KSR2: variants seen among roughly 807,000 people sequenced by gnomAD.
KSR2 encodes kinase suppressor of ras 2.
A neutral mutation model predicts 107.8 loss-of-function variants in KSR2; 25 were observed. That is an observed-to-expected ratio of 0.23 (90% CI 0.17 to 0.32). The LOEUF is 0.32. KSR2 is among the 10% of genes least tolerant of loss of function. KSR2 has a pLI of 1.00. For missense variants in KSR2, 887 were observed against 1,268.9 expected, an observed-to-expected ratio of 0.70 and a Z score of 4.57; for synonymous variants, 480 against 507.0, an observed-to-expected ratio of 0.95 and a Z score of 0.71.
At chr12:117,620,048 CT>C (rs920602821) in intron 5 of KSR2, among the ~76,000 whole-genome samples, 7 of 152,064 alleles carry the variant, frequency 4.6e-5, no homozygotes, top group African/African-American at 1.7e-4. Context: ...AGTGTGTGGT[CT>C]TTTACATCTG....
At chr12:117,899,398 C>T (rs1228694678) in intron 1 of KSR2, among the ~76,000 whole-genome samples, 6 of 151,952 alleles carry the variant, frequency 3.9e-5, no homozygotes, top group South Asian at 2.1e-4. Flanking sequence ...GAGGCTGAGG[C>T]GGGAGGATCA....
chr12:117,712,489 C>T (rs1886822891), intron 4 of KSR2, among the ~76,000 whole-genome samples: 1 of 152,184 alleles, frequency 6.6e-6, no homozygotes, highest in African/African-American at 2.4e-5. Flanking sequence ...CCCAGATGCC[C>T]ACCCAGCAAC....
At chr12:117,631,803 A>G (rs1356022225) in intron 5 of KSR2, among the ~76,000 whole-genome samples, 1 of 152,224 alleles carries the variant, frequency 6.6e-6, no homozygotes, top group Non-Finnish European at 1.5e-5. Flanking sequence ...GTACTTTTAA[A>G]CCAAAAGCAG....
intron 4 of KSR2, among the ~76,000 whole-genome samples, chr12:117,728,067 C>T (rs116258213): frequency 6.6e-6 from 1 of 152,098 alleles, no homozygotes; most frequent in African/African-American, 2.4e-5. Context: ...GCAAGATGAT[C>T]GGAGAAGGAC....
At chr12:117,791,596 G>C (rs1320587467) in intron 3 of KSR2, among the ~76,000 whole-genome samples, 1 of 152,176 alleles carries the variant, frequency 6.6e-6, no homozygotes, top group Non-Finnish European at 1.5e-5. Flanking sequence ...TGACACTGAG[G>C]GGTTTTCAGC....
intron 1 of KSR2, among the ~76,000 whole-genome samples, chr12:117,878,332 C>T (rs1357560356): frequency 2.0e-5 from 3 of 152,182 alleles, no homozygotes; most frequent in Admixed American, 1.3e-4. Flanking sequence ...CCACATAACA[C>T]ACACACTACC....
At chr12:117,855,315 C>G (rs1893062144) in intron 3 of KSR2, 113 bp downstream of exon 3, 2 of 1,421,438 alleles carry the variant, frequency 1.4e-6, no homozygotes, top group African/African-American at 2.8e-5. Flanking sequence ...ATTTGCCCCC[C>G]AGGGTTGACT....
intron 5 of KSR2, among the ~76,000 whole-genome samples, chr12:117,618,982 G>A (rs951023439): frequency 6.6e-6 from 1 of 152,062 alleles, no homozygotes; most frequent in Admixed American, 6.5e-5. Context: ...CTTGGTAGGA[G>A]GATTGGTCTA....
intron 1 of KSR2, among the ~76,000 whole-genome samples, chr12:117,866,624 G>A (rs1893479060): frequency 6.6e-6 from 1 of 152,162 alleles, no homozygotes; most frequent in Admixed American, 6.5e-5. Flanking sequence ...GAGGTCGGGA[G>A]TTTGAGACCA....
intron 5 of KSR2, among the ~76,000 whole-genome samples, chr12:117,606,497 A>C (rs142060433): frequency 0.37 from 2,586 of 6,972 alleles, 316 homozygotes; most frequent in Middle Eastern, 0.4. Context: ...TCCTTCCTCC[A>C]TCCCCTCCTT....
chr12:117,510,749 G>A (rs1007541857), intron 14 of KSR2, among the ~76,000 whole-genome samples: 12 of 152,052 alleles, frequency 7.9e-5, no homozygotes, highest in African/African-American at 2.9e-4. Context: ...ATGGTGGCAT[G>A]TGCCTGTGGT....
rs182419219 is a variant in KSR2, at chr12:117,597,316, G to A, written c.1172-14957C>T. Among the ~76,000 whole-genome samples the A allele has an allele frequency of 9.7e-4, 148 of 152,262 alleles. 2 individuals are homozygous for A. The highest frequency in any genetic ancestry group is 1.2e-3 in the Admixed American group (18 of 15,304). ...TTGTGTGAAAGTAATGGCAAAAATC[G>A]CAATTACTTTCACACCAACATAATA... On this transcript the variant is annotated intron_variant, in intron 5 of 19. Coordinates refer to ENST00000339824, the MANE Select transcript of KSR2 (RefSeq NM_173598.6).
chr12:117,717,996 T>G (rs1253513004), intron 4 of KSR2, among the ~76,000 whole-genome samples: 1 of 152,136 alleles, frequency 6.6e-6, no homozygotes, highest in Non-Finnish European at 1.5e-5. Context: ...AACATTTGTG[T>G]AAGCACCTAG....
chr12:117,460,761 T>C lies in KSR2; in HGVS notation c.*6438A>G, dbSNP rs1336590897. 1.3e-5 allele frequency: 2 copies of C among 152,256 alleles called. No homozygotes were observed. Among genetic ancestry groups the C allele is most frequent in the East Asian group, 1.9e-4 (1 of 5,204 alleles). The allele number at this position is 152,256 out of a possible 1,614,324, so 9.4% of individuals were successfully genotyped here. ...GCCCAAAGACTCGTTTTTAAAATGC[T>C]GGGTCTGCAATTTGGAGGCTGGTTT... On this transcript the variant is annotated 3_prime_UTR_variant, in exon 20 of 20. Coordinates refer to ENST00000339824, the MANE Select transcript of KSR2 (RefSeq NM_173598.6).
At chr12:117,827,781 G>A (rs1891812766) in intron 3 of KSR2, among the ~76,000 whole-genome samples, 1 of 152,176 alleles carries the variant, frequency 6.6e-6, no homozygotes, top group African/African-American at 2.4e-5. Flanking sequence ...CTATGAGGTA[G>A]TAGTAGTATC....
At chr12:117,705,579 C>T (rs1886491006) in intron 4 of KSR2, among the ~76,000 whole-genome samples, 2 of 152,220 alleles carry the variant, frequency 1.3e-5, no homozygotes, top group Admixed American at 1.3e-4. Flanking sequence ...CTTGGCTTGA[C>T]ATCGAACAGC....
chr12:117,576,236 G>A (rs1050584108), intron 7 of KSR2, among the ~76,000 whole-genome samples: 7 of 152,240 alleles, frequency 4.6e-5, no homozygotes, highest in East Asian at 3.9e-4. Context: ...GCCTCCACAC[G>A]GCAGGTATGA....
chr12:117,590,016 G>C (rs1593025618), intron 5 of KSR2, among the ~76,000 whole-genome samples: 2 of 152,198 alleles, frequency 1.3e-5, no homozygotes, highest in Non-Finnish European at 2.9e-5. Context: ...AGGCAGAGGG[G>C]ACTGACAGTG....
intron 7 of KSR2, among the ~76,000 whole-genome samples, chr12:117,578,424 T>C (rs1288250220): frequency 6.6e-6 from 1 of 151,588 alleles, no homozygotes; most frequent in African/African-American, 2.4e-5. Context: ...TAAATCCCAG[T>C]CTCTACTAAA....
Sources: allele counts gnomAD v4.1 joint callset (sites outside exome capture counted in the v4.1 genomes callset), GRCh38; gene constraint gnomAD v4.1.1; transcripts MANE v1.5; gene names NCBI Gene and HGNC (gene_info 2026-07-23, HGNC 2026-07-21).